Variants in STYK1 observed in about 807,000 individuals in gnomAD.
The protein encoded by STYK1 is tyrosine-protein kinase STYK1.
Under a neutral mutation model 48.1 loss-of-function variants are expected in STYK1, and 46 were observed. That is an observed-to-expected ratio of 0.96 (90% CI 0.75 to 1.22). The LOEUF is 1.22. STYK1 is among the 50% of genes most tolerant of loss of function. The pLI is 0.00. For synonymous variants in STYK1, 188 were observed against 189.0 expected, an observed-to-expected ratio of 0.99 and a Z score of 0.04; for missense variants, 527 against 521.1, an observed-to-expected ratio of 1.01 and a Z score of -0.11.
intron 1 of STYK1, among the ~76,000 whole-genome samples, chr12:10,647,603 G>A (rs541443545): frequency 5.9e-5 from 9 of 152,230 alleles, no homozygotes; most frequent in East Asian, 1.9e-4. Flanking sequence ...TTTGGGGGAC[G>A]GTTGGGAAGG....
At chr12:10,665,101 G>A (rs952236539) in intron 1 of STYK1, among the ~76,000 whole-genome samples, 11 of 152,168 alleles carry the variant, frequency 7.2e-5, no homozygotes, top group African/African-American at 2.7e-4. Context: ...AAGGTCACTT[G>A]GGGTTATGGG....
intron 7 of STYK1, 144 bp downstream of exon 7, chr12:10,627,495 TGC>T: frequency 1.6e-6 from 1 of 630,308 alleles, no homozygotes; most frequent in East Asian, 3.0e-5. Context: ...AATTTATCCA[TGC>T]TTGAGTTTCT....
At chr12:10,622,235 A>G (rs1285444481) in intron 9 of STYK1, among the ~76,000 whole-genome samples, 1 of 152,202 alleles carries the variant, frequency 6.6e-6, no homozygotes, top group Non-Finnish European at 1.5e-5. Flanking sequence ...AAAGTAAGAC[A>G]TAAGACCTGT....
chr12:10,633,904 C>T (rs1947456266), intron 4 of STYK1, 86 bp downstream of exon 4: 3 of 1,513,158 alleles, frequency 2.0e-6, no homozygotes, highest in Non-Finnish European at 2.7e-6. Flanking sequence ...GACTTCTAGA[C>T]ATGGGCTCAT....
chr12:10,655,750 C>A (rs1355406144), intron 1 of STYK1, among the ~76,000 whole-genome samples: 2 of 152,152 alleles, frequency 1.3e-5, no homozygotes, highest in African/African-American at 4.8e-5. Context: ...TGGGAGGTTA[C>A]CTTTGGTAAA....
Position 10,629,537 on chromosome 12 carries a change from C to T in STYK1, c.589G>A (p.Val197Met). The T allele has an allele frequency of 6.2e-7, 1 of 1,614,196 alleles. No homozygotes were observed. Among genetic ancestry groups the T allele is most frequent in the South Asian group, 1.1e-5 (1 of 91,090 alleles). Residue 197 changes from valine to methionine, a missense_variant, in exon 6 of 11, where the codon GTG (valine) becomes ATG (methionine). By Grantham distance (21) the Val-to-Met change is conservative. Transcript: ENST00000075503. Reference protein sequence around the residue: ...KLPLYMVLEDVAQGDLLSFLW... With the variant: ...KLPLYMVLEDMAQGDLLSFLW... ...AAGCTGAGCAGGTCCCCCTGGGCCA[C>T]ATCCTCCAACACCATATAGAGTGGC... is the stretch of plus-strand genomic sequence containing the variant.
intron 1 of STYK1, among the ~76,000 whole-genome samples, chr12:10,649,972 G>A (rs1947642806): frequency 6.6e-6 from 1 of 151,872 alleles, no homozygotes; most frequent in Non-Finnish European, 1.5e-5. Flanking sequence ...AAATTAGCCA[G>A]GCGTGGTGGC....
intron 2 of STYK1, among the ~76,000 whole-genome samples, chr12:10,635,438 T>A (rs1413119125): frequency 6.6e-6 from 1 of 152,200 alleles, no homozygotes; most frequent in Non-Finnish European, 1.5e-5. Flanking sequence ...CATTTATCAA[T>A]AAAAACTATT....
At chr12:10,639,896 G>A (rs1156379705) in intron 1 of STYK1, among the ~76,000 whole-genome samples, 1 of 152,184 alleles carries the variant, frequency 6.6e-6, no homozygotes, top group Non-Finnish European at 1.5e-5. Context: ...AAACCACAAG[G>A]CTGAAACCAA....
chr12:10,624,573 G>C (rs1231755564), intron 8 of STYK1, 78 bp downstream of exon 8: 2 of 1,288,248 alleles, frequency 1.6e-6, no homozygotes, highest in East Asian at 4.6e-5. Flanking sequence ...TACAGAATTG[G>C]CAACAGATCA....
At chr12:10,625,928 A>G (rs11053887) in intron 7 of STYK1, among the ~76,000 whole-genome samples, 70 of 152,226 alleles carry the variant, frequency 4.6e-4, no homozygotes, top group Non-Finnish European at 9.1e-4. Context: ...ATGGCACCCT[A>G]TGATAATTGA....
chr12:10,629,809 A>C (rs1477518771), intron 5 of STYK1, 135 bp from the exon 6 acceptor site: 7 of 789,540 alleles, frequency 8.9e-6, no homozygotes, highest in Admixed American at 4.8e-5. Context: ...AAATAAACAC[A>C]AAGGGGACTA....
chr12:10,632,082 T>G (rs113052826), intron 4 of STYK1, among the ~76,000 whole-genome samples: 9 of 151,968 alleles, frequency 5.9e-5, no homozygotes, highest in African/African-American at 2.2e-4. Context: ...CTGAGTGTGA[T>G]GCCATGAGCC....
chr12:10,662,620 G>A (rs1165383174), intron 1 of STYK1, among the ~76,000 whole-genome samples: 1 of 152,112 alleles, frequency 6.6e-6, no homozygotes, highest in Non-Finnish European at 1.5e-5. Context: ...AAATAATGCT[G>A]AACATCTTTT....
rs891921452 is a variant in STYK1, at chr12:10,620,174, C to T, written c.1239G>A (p.Glu413=). 2.5e-6 allele frequency: 4 copies of T among 1,614,096 alleles called. No homozygotes were observed. The highest frequency in any genetic ancestry group is 1.6e-4 in the Middle Eastern group (1 of 6,080). ...LYAAVAGIRV[E]SLFYNYSML ...GCATGCTATAGTTGTAGAAGAGGCT[C>T]TCCACTCTGATGCCGGCCACAGCTG... The change falls in exon 11 of 11, where the codon GAG becomes GAA. Residue 413 remains glutamate (E), a synonymous_variant. Transcript: ENST00000075503.
intron 1 of STYK1, among the ~76,000 whole-genome samples, chr12:10,669,370 GA>G (rs1321339629): frequency 6.6e-6 from 1 of 151,958 alleles, no homozygotes; most frequent in Non-Finnish European, 1.5e-5. Flanking sequence ...TTTTTCTTCA[GA>G]AAAAAGATTT....
intron 1 of STYK1, among the ~76,000 whole-genome samples, chr12:10,665,187 C>T (rs769868429): frequency 2.0e-5 from 3 of 152,204 alleles, no homozygotes; most frequent in Non-Finnish European, 4.4e-5. Flanking sequence ...GCCGTTCACA[C>T]GCTGTAAATG....
chr12:10,643,253 T>C (rs368628649), intron 1 of STYK1, among the ~76,000 whole-genome samples: 1 of 152,224 alleles, frequency 6.6e-6, no homozygotes, highest in Non-Finnish European at 1.5e-5. Flanking sequence ...CTCTGATTAC[T>C]GAGCTCTTGC....
chr12:10,640,846 C>T (rs1947535752), intron 1 of STYK1: 1 of 152,214 alleles, frequency 6.6e-6, no homozygotes, highest in South Asian at 2.1e-4. Context: ...GGCCCCATAA[C>T]ATCTAGGTAA....
Sources: gnomAD v4.1 joint callset for allele counts (sites outside exome capture counted in the v4.1 genomes callset) on GRCh38, gnomAD v4.1.1 for gene constraint, MANE v1.5 for transcripts, NCBI Gene and HGNC (gene_info 2026-07-23, HGNC 2026-07-21) for gene names.